The following EDIL3 variants were observed in gnomAD, a reference collection of about 807,000 sequenced individuals.
EDIL3 encodes the protein EGF-like repeat and discoidin I-like domain-containing protein 3.
A neutral mutation model predicts 67.4 loss-of-function variants in EDIL3; 37 were observed. The observed-to-expected ratio is 0.55, with a 90% CI of 0.42 to 0.72. The LOEUF is 0.72. EDIL3 is among the 30% of genes least tolerant of loss of function. The pLI, the probability that EDIL3 is intolerant of heterozygous loss-of-function variation, is 0.00. For synonymous variants in EDIL3, 195 were observed against 196.3 expected, an observed-to-expected ratio of 0.99 and a Z score of 0.05; for missense variants, 527 against 586.3, an observed-to-expected ratio of 0.90 and a Z score of 1.04.
intron 9 of EDIL3, among the ~76,000 whole-genome samples, chr5:83,964,071 C>T (rs1744649246): frequency 6.6e-6 from 1 of 151,836 alleles, no homozygotes; most frequent in South Asian, 2.1e-4. Flanking sequence ...AAAACACATA[C>T]TTTAAAGAGC....
chr5:83,974,469 G>C (rs1413929418), intron 9 of EDIL3, among the ~76,000 whole-genome samples: 1 of 151,806 alleles, frequency 6.6e-6, no homozygotes. Context: ...CTGCCCCAAA[G>C]GATGACAATT....
At chr5:84,064,873 C>A (rs756252940) in intron 7 of EDIL3, 29 bp from the exon 8 acceptor site, 1 of 1,586,926 alleles carries the variant, frequency 6.3e-7, no homozygotes. Context: ...AAATTATTCA[C>A]TGCAACAGCT....
chr5:84,257,928 T>C (rs1286398155), intron 1 of EDIL3, among the ~76,000 whole-genome samples: 3 of 152,138 alleles, frequency 2.0e-5, no homozygotes, highest in African/African-American at 4.8e-5. Context: ...AAGAAAGAAG[T>C]TAATGCTTGG....
At chr5:84,137,959 T>C (rs1385295060) in intron 4 of EDIL3, among the ~76,000 whole-genome samples, 4 of 152,232 alleles carry the variant, frequency 2.6e-5, no homozygotes, top group African/African-American at 9.6e-5. Context: ...GGACTTACCT[T>C]TGATATACTA....
At chr5:83,968,216 A>T (rs1376917105) in intron 9 of EDIL3, among the ~76,000 whole-genome samples, 1 of 152,060 alleles carries the variant, frequency 6.6e-6, no homozygotes, top group Non-Finnish European at 1.5e-5. Flanking sequence ...GCAACTAGTT[A>T]ATGTGATTAA....
chr5:84,141,688 A>G (rs1748191853), intron 4 of EDIL3, among the ~76,000 whole-genome samples: 1 of 148,960 alleles, frequency 6.7e-6, no homozygotes, highest in Non-Finnish European at 1.5e-5. Context: ...CTTTACAAGT[A>G]TTCCCAGTTC....
At position 84,254,040 on chromosome 5, in the gene EDIL3, G is replaced by T. The variant is rs761356845; in HGVS notation, c.196+44C>A. The T allele has an allele frequency of 5.2e-6, 8 of 1,532,898 alleles. No homozygotes were observed. In the African/African-American group the frequency reaches 5.5e-5, roughly 11 times the overall value. The allele number at this position is 1,532,898 out of a possible 1,614,324, so 95.0% of individuals were successfully genotyped here. On this transcript the variant is annotated intron_variant, in intron 2 of 10. Coordinates refer to ENST00000296591, the MANE Select transcript of EDIL3 (RefSeq NM_005711.5). ...ACAGCCAAACTGCCATTTATTCATG[G>T]AAATAAAAAGATAACTACTGAAATA...
intron 1 of EDIL3, among the ~76,000 whole-genome samples, chr5:84,299,759 T>C (rs970284259): frequency 6.6e-6 from 1 of 152,222 alleles, no homozygotes; most frequent in African/African-American, 2.4e-5. Flanking sequence ...TGTACATATG[T>C]ATGTATAACC....
chr5:84,082,098 G>C (rs1427105402), intron 6 of EDIL3, among the ~76,000 whole-genome samples: 2 of 152,250 alleles, frequency 1.3e-5, no homozygotes, highest in Non-Finnish European at 2.9e-5. Flanking sequence ...TGGATTGCCA[G>C]TTATGGCCCC....
At chr5:84,310,897 GAAGGT>G (rs1165003761) in intron 1 of EDIL3, among the ~76,000 whole-genome samples, 1 of 152,026 alleles carries the variant, frequency 6.6e-6, no homozygotes, top group Non-Finnish European at 1.5e-5. Context: ...ATCAACCCTT[GAAGGT>G]AACCACTTTC....
chr5:84,224,705 A>G (rs2112403865), intron 3 of EDIL3, among the ~76,000 whole-genome samples: 1 of 151,584 alleles, frequency 6.6e-6, no homozygotes, highest in African/African-American at 2.4e-5. Context: ...CATATTTGCA[A>G]AGCTTTGTTT....
intron 3 of EDIL3, among the ~76,000 whole-genome samples, chr5:84,193,662 A>G (rs575052330): frequency 6.6e-6 from 1 of 152,086 alleles, no homozygotes; most frequent in East Asian, 1.9e-4. Flanking sequence ...AGGAAAGGCA[A>G]CATACAGAGA....
intron 9 of EDIL3, among the ~76,000 whole-genome samples, chr5:84,017,482 T>C (rs1454651007): frequency 5.3e-5 from 8 of 152,342 alleles, no homozygotes; most frequent in African/African-American, 1.4e-4. Context: ...CAAATATAAT[T>C]ATTCTGGTGA....
intron 6 of EDIL3, among the ~76,000 whole-genome samples, chr5:84,090,997 AAC>A (rs1435294712): frequency 6.6e-6 from 1 of 151,996 alleles, no homozygotes; most frequent in African/African-American, 2.4e-5. Context: ...TATGGGATAT[AAC>A]AGTTACTTAA....
intron 9 of EDIL3, among the ~76,000 whole-genome samples, chr5:83,979,661 A>G (rs937056056): frequency 5.3e-5 from 8 of 152,136 alleles, no homozygotes; most frequent in African/African-American, 1.9e-4. Context: ...ATGAACGTTT[A>G]TATTTTTTAA....
intron 6 of EDIL3, among the ~76,000 whole-genome samples, chr5:84,074,119 T>C (rs530273376): frequency 1.4e-4 from 22 of 151,952 alleles, no homozygotes; most frequent in African/African-American, 5.3e-4. Flanking sequence ...ATTTAATAAA[T>C]GGTGCTGGGA....
At chr5:84,037,552 G>A (rs1285370816) in intron 9 of EDIL3, among the ~76,000 whole-genome samples, 2 of 151,952 alleles carry the variant, frequency 1.3e-5, no homozygotes, top group African/African-American at 4.8e-5. Context: ...ATATTTATGT[G>A]ATATATAAAC....
chr5:84,263,872 G>T, intron 1 of EDIL3, among the ~76,000 whole-genome samples: 1 of 152,190 alleles, frequency 6.6e-6, no homozygotes, highest in East Asian at 1.9e-4. Context: ...GAGCCTCGGA[G>T]TACATATGGA....
At chr5:84,295,928 A>C (rs1190767741) in intron 1 of EDIL3, among the ~76,000 whole-genome samples, 1 of 152,210 alleles carries the variant, frequency 6.6e-6, no homozygotes, top group Non-Finnish European at 1.5e-5. Context: ...AGAAGTTACC[A>C]TATTTTTCCT....
Sources: allele counts gnomAD v4.1 joint callset (sites outside exome capture counted in the v4.1 genomes callset), GRCh38; gene constraint gnomAD v4.1.1; transcripts MANE v1.5; gene names NCBI Gene and HGNC (gene_info 2026-07-23, HGNC 2026-07-21).